The following TNR variants were observed in gnomAD, a reference collection of about 807,000 sequenced individuals.
The protein encoded by TNR is tenascin-R.
Under a neutral mutation model 150.4 loss-of-function variants are expected in TNR, and 45 were observed. The ratio of observed to expected loss-of-function variants is 0.30; its 90% CI spans 0.24 to 0.38. The LOEUF (loss-of-function observed/expected upper bound fraction) is 0.38, where lower values mean the gene tolerates loss of function less well. Ranked by LOEUF, TNR falls within the 10% of genes least tolerant of loss-of-function variation. The pLI is 1.00. For missense variants in TNR, 1,544 were observed against 1,759.1 expected (o/e 0.88, Z 2.19); for synonymous variants, 687 against 678.4 (o/e 1.01, Z -0.20).
At chr1:175,716,618 T>C (rs552137043) in intron 1 of TNR, among the ~76,000 whole-genome samples, 1 of 152,284 alleles carries the variant, frequency 6.6e-6, no homozygotes, top group South Asian at 2.1e-4. Flanking sequence ...CTGCCCCAAG[T>C]CCTTCAACAA....
intron 1 of TNR, among the ~76,000 whole-genome samples, chr1:175,669,105 T>C (rs1398570824): frequency 6.6e-6 from 1 of 152,204 alleles, no homozygotes. Context: ...CCTGCCTCAG[T>C]TTCCCCATAT....
At chr1:175,696,220 T>A (rs1032593307) in intron 1 of TNR, among the ~76,000 whole-genome samples, 133 of 44,300 alleles carry the variant, frequency 3.0e-3, no homozygotes, top group Non-Finnish European at 5.0e-3. Flanking sequence ...TCCTGTAGTT[T>A]TTTTTTTTTT....
intron 1 of TNR, among the ~76,000 whole-genome samples, chr1:175,636,900 T>A (rs1664507204): frequency 1.3e-5 from 2 of 152,230 alleles, no homozygotes; most frequent in Admixed American, 1.3e-4. Context: ...CTTTGCGACC[T>A]CCATAACTAA....
rs113008622 is a variant in TNR, at chr1:175,711,261, T to G, written c.-165+31965A>C. ...AAGTTCACCAGGGCAGGCTTCACCATGAAGGTGCCATTTGAGCAAGACTTG... is the reference window on the plus strand; with the variant it reads ...AAGTTCACCAGGGCAGGCTTCACCAGGAAGGTGCCATTTGAGCAAGACTTG... On this transcript the variant is annotated intron_variant, in intron 1 of 22. Transcript: ENST00000367674. Among the ~76,000 whole-genome samples the G allele has an allele frequency of 7.4e-3, 1,127 of 152,120 alleles. 16 individuals carry two copies. Among genetic ancestry groups the G allele is most frequent in the African/African-American group, 0.026 (1,070 of 41,500 alleles).
chr1:175,330,403 C>T (rs1649679280), intron 20 of TNR, 168 bp from the exon 21 acceptor site: 2 of 663,200 alleles, frequency 3.0e-6, no homozygotes, highest in Admixed American at 3.2e-5. Context: ...CCCTGCCAGA[C>T]TGAATTTCTT....
intron 2 of TNR, among the ~76,000 whole-genome samples, chr1:175,432,455 A>C (rs993021332): frequency 7.2e-5 from 11 of 152,204 alleles, no homozygotes; most frequent in Non-Finnish European, 2.9e-5. Flanking sequence ...CTAAGGATAG[A>C]AAACGGGCAC....
At chr1:175,398,911 C>A (rs942408582) in intron 4 of TNR, among the ~76,000 whole-genome samples, 2 of 152,156 alleles carry the variant, frequency 1.3e-5, no homozygotes, top group African/African-American at 4.8e-5. Flanking sequence ...CCCAGCTTTA[C>A]CAATGAGGAA....
intron 18 of TNR, among the ~76,000 whole-genome samples, chr1:175,347,655 T>G (rs1650859825): frequency 6.6e-6 from 1 of 152,130 alleles, no homozygotes; most frequent in South Asian, 2.1e-4. Flanking sequence ...TTCGACCACC[T>G]GACCTCAAGT....
chr1:175,724,679 G>A (rs1051625806), intron 1 of TNR, among the ~76,000 whole-genome samples: 3 of 152,154 alleles, frequency 2.0e-5, no homozygotes, highest in African/African-American at 7.2e-5. Flanking sequence ...ACACTTTTAT[G>A]CATGTTTTAC....
At chr1:175,574,779 C>T (rs1662034344) in intron 1 of TNR, among the ~76,000 whole-genome samples, 1 of 152,216 alleles carries the variant, frequency 6.6e-6, no homozygotes. Flanking sequence ...CATGCTGCTT[C>T]CTTCCAAGTG....
rs755615982 is a variant in TNR at position 175,386,012 on chromosome 1, C to G, written c.1777+20G>C. The G allele has an allele frequency of 1.3e-6, 2 of 1,546,486 alleles. No homozygotes were observed. The highest frequency in any genetic ancestry group is 4.6e-5 in the East Asian group (2 of 43,758). ...CCCCTCTTTCCCTCCTTGTGCGTCT[C>G]TCCCCCACCGCAGCCTTACCTGTTG... is the stretch of plus-strand genomic sequence containing the variant. On this transcript the variant is annotated intron_variant, in intron 8 of 22. Transcript: ENST00000367674.
intron 1 of TNR, among the ~76,000 whole-genome samples, chr1:175,569,893 C>T (rs1162965574): frequency 6.6e-6 from 1 of 152,202 alleles, no homozygotes; most frequent in African/African-American, 2.4e-5. Flanking sequence ...AGATCCAAGA[C>T]TGTAGCTCTC....
intron 1 of TNR, among the ~76,000 whole-genome samples, chr1:175,672,258 C>G (rs1185897471): frequency 6.6e-6 from 1 of 152,152 alleles, no homozygotes; most frequent in Non-Finnish European, 1.5e-5. Context: ...CCCTGCCTCC[C>G]CTGGTCAGCC....
rs141692960 is a variant in TNR at position 175,542,123 on chromosome 1, C to T, written c.-164-13754G>A. 9.0e-4 allele frequency among the ~76,000 whole-genome samples: 137 copies of T among 152,170 alleles called. 1 individual carries two copies. In the East Asian group the frequency reaches 0.025, roughly 27 times the overall value. On this transcript the variant is annotated intron_variant, in intron 1 of 22. Coordinates refer to ENST00000367674, the MANE Select transcript of TNR (RefSeq NM_003285.3). Reference sequence around the variant, plus strand: ...GGGTTTGGGGCAAATCTGGGAACTACGAACCTTCCTCATTTGCATTAATTG... The same window carrying T: ...GGGTTTGGGGCAAATCTGGGAACTATGAACCTTCCTCATTTGCATTAATTG...
chr1:175,566,690 T>C (rs924914491), intron 1 of TNR, among the ~76,000 whole-genome samples: 1 of 152,238 alleles, frequency 6.6e-6, no homozygotes, highest in Non-Finnish European at 1.5e-5. Context: ...AGTCTCCATG[T>C]CATGGATGGC....
chr1:175,691,339 G>A (rs1488006922), intron 1 of TNR, among the ~76,000 whole-genome samples: 1 of 151,824 alleles, frequency 6.6e-6, no homozygotes, highest in Non-Finnish European at 1.5e-5. Context: ...GAAGAGGAAG[G>A]TAGTAGTAGT....
intron 1 of TNR, among the ~76,000 whole-genome samples, chr1:175,540,618 C>T (rs946643196): frequency 6.6e-6 from 1 of 152,144 alleles, no homozygotes; most frequent in African/African-American, 2.4e-5. Context: ...TGAAAGAGTA[C>T]AGCTAGACAC....
chr1:175,541,413 G>A (rs992046218), intron 1 of TNR, among the ~76,000 whole-genome samples: 1 of 152,226 alleles, frequency 6.6e-6, no homozygotes, highest in Non-Finnish European at 1.5e-5. Flanking sequence ...GCTGTATGCT[G>A]CTAGAAACTG....
intron 7 of TNR, 135 bp from the exon 8 acceptor site, chr1:175,386,436 G>T: frequency 1.1e-6 from 1 of 943,402 alleles, no homozygotes; most frequent in Non-Finnish European, 1.5e-6. Context: ...TTTTACAGAT[G>T]AGGAAAATGA....
Sources: allele counts gnomAD v4.1 joint callset (sites outside exome capture counted in the v4.1 genomes callset), GRCh38; gene constraint gnomAD v4.1.1; transcripts MANE v1.5; gene names NCBI Gene and HGNC (gene_info 2026-07-23, HGNC 2026-07-21).